KLRG1: variants seen among roughly 807,000 people sequenced by gnomAD.
KLRG1 encodes killer cell lectin-like receptor subfamily G member 1.
In KLRG1, 16 loss-of-function variants were observed where a neutral mutation model predicts 21.8. That is an observed-to-expected ratio of 0.73 (90% confidence interval 0.50 to 1.11). The LOEUF is 1.11. KLRG1 is among the 50% of genes most tolerant of loss of function. KLRG1 has a pLI of 0.00. For missense variants in KLRG1, 173 were observed against 218.3 expected, an observed-to-expected ratio of 0.79 and a Z score of 1.31; for synonymous variants, 69 against 75.9, an observed-to-expected ratio of 0.91 and a Z score of 0.47.
chr12:9,143,707 T>C, the KLRG1 span, among the ~76,000 whole-genome samples: 2 of 152,116 alleles, frequency 1.3e-5, no homozygotes, highest in Non-Finnish European at 2.9e-5. Flanking sequence ...GGCCATTAGC[T>C]GTCATTATCT....
the KLRG1 span, chr12:9,080,252 A>G: frequency 9.9e-7 from 1 of 1,007,428 alleles, no homozygotes. Context: ...TATGACCCAG[A>G]AGCTAGGACT....
intron 1 of KLRG1, among the ~76,000 whole-genome samples, chr12:8,980,792 CTG>C (rs1415151771): frequency 1.3e-5 from 2 of 152,130 alleles, no homozygotes; most frequent in Non-Finnish European, 2.9e-5. Flanking sequence ...TTCTTGAAGA[CTG>C]TGGGGGTCCT....
At chr12:9,129,806 C>G in the KLRG1 span, among the ~76,000 whole-genome samples, 1 of 152,194 alleles carries the variant, frequency 6.6e-6, no homozygotes, top group Non-Finnish European at 1.5e-5. Flanking sequence ...CGTCGGCCTC[C>G]CAAAATGCTG....
chr12:9,206,078 T>C, the KLRG1 span, among the ~76,000 whole-genome samples: 1 of 152,202 alleles, frequency 6.6e-6, no homozygotes, highest in Non-Finnish European at 1.5e-5. Flanking sequence ...AGTAACTCAC[T>C]GATAGTCATT....
intron 3 of KLRG1, among the ~76,000 whole-genome samples, chr12:9,008,053 G>T (rs1387056618): frequency 3.3e-5 from 5 of 152,086 alleles, no homozygotes; most frequent in Non-Finnish European, 7.4e-5. Flanking sequence ...GGGTAACGTG[G>T]CACACATAAG....
At chr12:9,158,316 C>T in the KLRG1 span, 1 of 1,469,392 alleles carries the variant, frequency 6.8e-7, no homozygotes, top group Non-Finnish European at 9.3e-7. Flanking sequence ...CCACATCATC[C>T]AGGACTTCAT....
At chr12:9,132,861 TG>T in the KLRG1 span, among the ~76,000 whole-genome samples, 1 of 152,204 alleles carries the variant, frequency 6.6e-6, no homozygotes, top group Non-Finnish European at 1.5e-5. Context: ...AATGATTAGA[TG>T]TATATCCAAT....
upstream of KLRG1, among the ~76,000 whole-genome samples, chr12:8,986,996 A>G (rs749109957): frequency 2.4e-4 from 36 of 152,228 alleles, no homozygotes; most frequent in Non-Finnish European, 4.4e-4. Flanking sequence ...GCCCAGAAGC[A>G]GATGCCACTA....
chr12:9,063,669 G>C, the KLRG1 span, among the ~76,000 whole-genome samples: 2 of 152,166 alleles, frequency 1.3e-5, no homozygotes, highest in Non-Finnish European at 2.9e-5. Context: ...CCCAAAACTT[G>C]AGAAGGCCAT....
chr12:8,970,262 T>C (rs1946544432), intron 1 of KLRG1, among the ~76,000 whole-genome samples: 1 of 152,248 alleles, frequency 6.6e-6, no homozygotes, highest in Non-Finnish European at 1.5e-5. Context: ...TATCTATGGC[T>C]GCTTTTGTAC....
chr12:9,039,530 C>T, the KLRG1 span, among the ~76,000 whole-genome samples: 1 of 152,148 alleles, frequency 6.6e-6, no homozygotes, highest in East Asian at 1.9e-4. Flanking sequence ...ACCACTTTAA[C>T]AACTGATGTC....
the KLRG1 span, among the ~76,000 whole-genome samples, chr12:9,214,415 A>G: frequency 4.6e-5 from 7 of 152,038 alleles, no homozygotes; most frequent in African/African-American, 7.2e-5. Flanking sequence ...CTGTACATCA[A>G]TTTGGGGACT....
chr12:9,213,043 C>G, the KLRG1 span, among the ~76,000 whole-genome samples: 5 of 152,286 alleles, frequency 3.3e-5, no homozygotes, highest in South Asian at 8.3e-4. Flanking sequence ...TTGGACATTT[C>G]ATATTAATAG....
chr12:8,987,986 G>T (rs1392131975), upstream of KLRG1, among the ~76,000 whole-genome samples: 4 of 152,100 alleles, frequency 2.6e-5, no homozygotes, highest in South Asian at 6.2e-4. Flanking sequence ...TTTTTGGTTG[G>T]TGCTACTAAG....
chr12:9,212,723 T>G, the KLRG1 span, among the ~76,000 whole-genome samples: 1 of 149,620 alleles, frequency 6.7e-6, no homozygotes, highest in Non-Finnish European at 1.5e-5. Context: ...TTCCTTCATT[T>G]ATAACATTGA....
At chr12:9,198,263 A>G in the KLRG1 span, among the ~76,000 whole-genome samples, 1 of 151,916 alleles carries the variant, frequency 6.6e-6, no homozygotes, top group Non-Finnish European at 1.5e-5. Context: ...TAGGCAGGAG[A>G]TTCACATAAG....
the KLRG1 span, chr12:9,111,850 TAGG>T: frequency 2.4e-6 from 1 of 408,646 alleles, no homozygotes; most frequent in Middle Eastern, 5.8e-4. Flanking sequence ...TTTTTGAGCT[TAGG>T]TTCTTTGAGG....
chr12:9,059,060 C>A, the KLRG1 span, among the ~76,000 whole-genome samples: 1 of 152,138 alleles, frequency 6.6e-6, no homozygotes, highest in Non-Finnish European at 1.5e-5. Flanking sequence ...ATTATGAATA[C>A]CACCACATTA....
the KLRG1 span, chr12:9,135,113 C>A: frequency 4.7e-6 from 1 of 214,918 alleles, no homozygotes; most frequent in Non-Finnish European, 9.8e-6. Context: ...GCGAGATGGC[C>A]GCCTCCATGT....
Sources: allele counts gnomAD v4.1 joint callset (sites outside exome capture counted in the v4.1 genomes callset), GRCh38; gene constraint gnomAD v4.1.1; transcripts MANE v1.5; gene names NCBI Gene and HGNC (gene_info 2026-07-23, HGNC 2026-07-21).